Variants in PIRT observed in about 807,000 individuals in gnomAD.
The protein encoded by PIRT is phosphoinositide interacting regulator of transient receptor potential channels.
A neutral mutation model predicts 7.9 loss-of-function variants in PIRT; 6 were observed. The observed-to-expected ratio is 0.76, with a 90% CI of 0.42 to 1.51. The LOEUF (loss-of-function observed/expected upper bound fraction) is 1.51, where lower values mean the gene tolerates loss of function less well. PIRT is among the 40% of genes most tolerant of loss of function. The probability of loss-of-function intolerance (pLI) is 0.01; values close to 1 mark genes in which losing one functional copy is unlikely to be tolerated. For synonymous variants in PIRT, 78 were observed against 71.8 expected (o/e 1.09, Z -0.44); for missense variants, 170 against 172.9 (o/e 0.98, Z 0.09).
chr17:10,830,661 T>C (rs747091875), intron 1 of PIRT, among the ~76,000 whole-genome samples: 1 of 152,246 alleles, frequency 6.6e-6, no homozygotes, highest in Non-Finnish European at 1.5e-5. Context: ...CTATTTCAGA[T>C]AAGTCTATAG....
intron 1 of PIRT, among the ~76,000 whole-genome samples, chr17:10,828,019 T>C (rs1238617764): frequency 6.6e-6 from 1 of 152,220 alleles, no homozygotes; most frequent in Non-Finnish European, 1.5e-5. Flanking sequence ...ACATCTTTAA[T>C]TGAATGAGTA....
chr17:10,837,440 C>A (rs1467424403), intron 1 of PIRT, among the ~76,000 whole-genome samples: 1 of 152,244 alleles, frequency 6.6e-6, no homozygotes, highest in Non-Finnish European at 1.5e-5. Flanking sequence ...CCTGCCACAG[C>A]TGCAGGAGGA....
At chr17:10,832,429 G>A (rs538186237) in intron 1 of PIRT, among the ~76,000 whole-genome samples, 10 of 152,268 alleles carry the variant, frequency 6.6e-5, no homozygotes, top group South Asian at 6.2e-4. Context: ...CCAACCTCAC[G>A]TGATCCGCCC....
At chr17:10,835,236 G>C (rs1905560226) in intron 1 of PIRT, among the ~76,000 whole-genome samples, 1 of 152,194 alleles carries the variant, frequency 6.6e-6, no homozygotes, top group African/African-American at 2.4e-5. Flanking sequence ...GCTGGGGAGG[G>C]CAGGTGCTTT....
intron 1 of PIRT, among the ~76,000 whole-genome samples, chr17:10,831,107 C>T (rs776057932): frequency 6.6e-6 from 1 of 152,168 alleles, no homozygotes; most frequent in African/African-American, 2.4e-5. Flanking sequence ...CCCCATGGCA[C>T]CTGGCTCACA....
rs1464238318 is a variant in PIRT at position 10,833,766 on chromosome 17, G to C, written c.-139+4179C>G. Among the ~76,000 whole-genome samples the C allele has an allele frequency of 4.0e-5, 6 of 150,616 alleles. No individual in the cohort carries two copies. The East Asian group carries it at 1.2e-3, about 29-fold the overall frequency. Reference sequence around the variant, plus strand: ...GAGATTCCATCTCAAAAAAAAAAAAGTATCTGTCAATGCTACATATGATTA... The same window carrying C: ...GAGATTCCATCTCAAAAAAAAAAAACTATCTGTCAATGCTACATATGATTA... On this transcript the variant is annotated intron_variant, in intron 1 of 1. Transcript: ENST00000580256.
rs1173589389 is a variant in PIRT, at chr17:10,823,719, T to C, written c.*1513A>G. 1.3e-5 allele frequency: 2 copies of C among 152,206 alleles called. No individual in the cohort carries two copies. The highest frequency in any genetic ancestry group is 3.9e-4 in the East Asian group (2 of 5,164). 9.4% of individuals were successfully genotyped at this position (152,206 alleles called of 1,614,324 possible). On this transcript the variant is annotated 3_prime_UTR_variant, in exon 2 of 2. Coordinates refer to ENST00000580256, the MANE Select transcript of PIRT (RefSeq NM_001101387.2). ...GGGCCTCTTGGTTGCCACAGGGAGT[T>C]ACAGAAGCACTTCTCAGGGACTCTT...
intron 1 of PIRT, among the ~76,000 whole-genome samples, chr17:10,834,717 G>A (rs1007124213): frequency 2.0e-5 from 3 of 151,772 alleles, no homozygotes; most frequent in East Asian, 1.9e-4. Flanking sequence ...TCAGCCTCCC[G>A]AGTAGCTGGG....
chr17:10,829,342 G>C (rs1402551361), intron 1 of PIRT, among the ~76,000 whole-genome samples: 2 of 152,194 alleles, frequency 1.3e-5, no homozygotes, highest in Admixed American at 1.3e-4. Flanking sequence ...CTGGGAGTGA[G>C]GGGGCTCAGG....
At chr17:10,831,172 G>A (rs916814289) in intron 1 of PIRT, among the ~76,000 whole-genome samples, 1 of 152,142 alleles carries the variant, frequency 6.6e-6, no homozygotes, top group East Asian at 1.9e-4. Context: ...CAGCTCTGTC[G>A]GGGACAAGGT....
chr17:10,827,201 C>T (rs1249214982), intron 1 of PIRT, among the ~76,000 whole-genome samples: 2 of 152,142 alleles, frequency 1.3e-5, no homozygotes, highest in Non-Finnish European at 2.9e-5. Flanking sequence ...TTCCTATTCT[C>T]AGGCCTGGAA....
At chr17:10,830,422 T>C (rs1696537164) in intron 1 of PIRT, among the ~76,000 whole-genome samples, 1 of 152,204 alleles carries the variant, frequency 6.6e-6, no homozygotes, top group African/African-American at 2.4e-5. Flanking sequence ...ACTTACATGC[T>C]GTGGGACCTC....
At chr17:10,826,180 T>G (rs1597586906) in intron 1 of PIRT, among the ~76,000 whole-genome samples, 1 of 152,160 alleles carries the variant, frequency 6.6e-6, no homozygotes, top group African/African-American at 2.4e-5. Flanking sequence ...GCCAGGCTGG[T>G]CTCGAACTCC....
At chr17:10,831,192 G>C (rs1905454901) in intron 1 of PIRT, among the ~76,000 whole-genome samples, 1 of 152,150 alleles carries the variant, frequency 6.6e-6, no homozygotes, top group South Asian at 2.1e-4. Context: ...TAACACTCAG[G>C]GGGCTGGTCC....
chr17:10,835,093 TCCTCCCTG>T (rs1308852565), intron 1 of PIRT, among the ~76,000 whole-genome samples: 1 of 151,964 alleles, frequency 6.6e-6, no homozygotes, highest in African/African-American at 2.4e-5. Context: ...ACTGACCAAC[TCCTCCCTG>T]CCTCCATTCT....
At chr17:10,831,590 C>G (rs969664511) in intron 1 of PIRT, among the ~76,000 whole-genome samples, 1 of 152,152 alleles carries the variant, frequency 6.6e-6, no homozygotes, top group Non-Finnish European at 1.5e-5. Flanking sequence ...TCCCTCTGAG[C>G]CTCTGGAAAG....
chr17:10,823,437 C>G lies in PIRT; in HGVS notation c.*1795G>C, dbSNP rs1046833220. On this transcript the variant is annotated 3_prime_UTR_variant, in exon 2 of 2. Transcript: ENST00000580256. ...ACAAGTGCTTTCCTCCATGGATTTT[C>G]TCACAATGCAGAAGGAACAAGGATG... is the stretch of plus-strand genomic sequence containing the variant. The G allele has an allele frequency of 6.6e-6, 1 of 152,272 alleles. No homozygotes were observed. Among genetic ancestry groups the G allele is most frequent in the African/African-American group, 2.4e-5 (1 of 41,456 alleles). 9.4% of individuals were successfully genotyped at this position (152,272 alleles called of 1,614,324 possible). A position where few individuals can be genotyped will look rare whatever the true frequency, so the allele number is the denominator to read the frequency against.
chr17:10,828,053 C>T (rs1057311829), intron 1 of PIRT, among the ~76,000 whole-genome samples: 15 of 152,182 alleles, frequency 9.9e-5, no homozygotes, highest in Non-Finnish European at 1.8e-4. Flanking sequence ...CTCTCTCTCC[C>T]TTCTTTCCCT....
At chr17:10,830,914 C>T (rs1287636806) in intron 1 of PIRT, among the ~76,000 whole-genome samples, 2 of 152,220 alleles carry the variant, frequency 1.3e-5, no homozygotes, top group East Asian at 3.9e-4. Flanking sequence ...TCTCTACCCA[C>T]TAGATGCCAA....
Sources: allele counts gnomAD v4.1 joint callset (sites outside exome capture counted in the v4.1 genomes callset), GRCh38; gene constraint gnomAD v4.1.1; transcripts MANE v1.5; gene names NCBI Gene and HGNC (gene_info 2026-07-23, HGNC 2026-07-21).